The following PI4K2A variants were observed in gnomAD, a reference collection of about 807,000 sequenced individuals.
The protein encoded by PI4K2A is phosphatidylinositol 4-kinase type 2 alpha, also known as phosphatidylinositol 4-kinase type 2-alpha.
A neutral mutation model predicts 55.0 loss-of-function variants in PI4K2A; 20 were observed. That is an observed-to-expected ratio of 0.36 (90% confidence interval 0.26 to 0.53). The LOEUF is 0.53. Among genes scored for constraint, PI4K2A ranks in the 20% least tolerant of loss-of-function variants. The pLI, the probability that PI4K2A is intolerant of heterozygous loss-of-function variation, is 0.91. For missense variants in PI4K2A, 463 were observed against 637.1 expected (o/e 0.73, Z 2.94); for synonymous variants, 235 against 258.5 (o/e 0.91, Z 0.87).
intron 1 of PI4K2A, 71 bp downstream of exon 1, chr10:97,641,248 G>T: frequency 8.7e-7 from 1 of 1,155,480 alleles, no homozygotes; most frequent in Non-Finnish European, 1.2e-6. Flanking sequence ...TGGGGGCTTC[G>T]CACAGCCAGA....
Position 97,656,725 on chromosome 10 carries a change from A to T in PI4K2A, c.769-96A>T, listed in dbSNP as rs1279632780. ...GAAAAGTTTTCCTTCTCTGATACAA[A>T]CTCCATAGGGCCTTAATGGGTATCT... On this transcript the variant is annotated intron_variant, in intron 3 of 8. Coordinates refer to ENST00000370631, the Ensembl canonical transcript of PI4K2A. The surrounding 1 kb of genome is among the most constrained non-coding windows in gnomAD (Gnocchi z 4.5). 26 of 1,110,462 alleles carry T rather than the reference A, an allele frequency of 2.3e-5. No homozygotes were observed. Among genetic ancestry groups the T allele is most frequent in the Non-Finnish European group, 3.4e-5 (26 of 756,930 alleles). The allele number at this position is 1,110,462 out of a possible 1,614,324, so 68.8% of individuals were successfully genotyped here.
exon 2 of PI4K2A, chr10:97,651,102 G>A: frequency 6.2e-7 from 1 of 1,613,630 alleles, no homozygotes; most frequent in African/African-American, 1.3e-5. Context: ...CCAGCCTGGT[G>A]GACCAAAAAC....
chr10:97,666,349 C>G, intron 6 of PI4K2A, 89 bp from the exon 7 acceptor site: 2 of 1,218,816 alleles, frequency 1.6e-6, no homozygotes, highest in Non-Finnish European at 2.3e-6. Context: ...GAGGGGTTCT[C>G]CTTTAGAAAG....
At chr10:97,643,067 TGCA>T (rs2041486828) in intron 1 of PI4K2A, among the ~76,000 whole-genome samples, 1 of 151,572 alleles carries the variant, frequency 6.6e-6, no homozygotes, top group African/African-American at 2.4e-5. Context: ...CACTGCTCAC[TGCA>T]GCCTTGACAT....
exon 2 of PI4K2A, chr10:97,651,069 G>C: frequency 6.2e-7 from 1 of 1,614,108 alleles, no homozygotes; most frequent in Non-Finnish European, 8.5e-7. Flanking sequence ...TCCTTAACCA[G>C]GGCTATCTCT....
chr10:97,671,646 G>A (rs531216620), intron 8 of PI4K2A, among the ~76,000 whole-genome samples: 1 of 152,136 alleles, frequency 6.6e-6, no homozygotes, highest in South Asian at 2.1e-4. Context: ...TTGTTTGTTT[G>A]TTTGTTTTTT....
chr10:97,645,819 G>A (rs2041502472), intron 1 of PI4K2A, among the ~76,000 whole-genome samples: 1 of 151,698 alleles, frequency 6.6e-6, no homozygotes, highest in Non-Finnish European at 1.5e-5. Context: ...CCCAGTGTTG[G>A]GATTACAGGT....
At chr10:97,654,685 T>C (rs553889492) in intron 2 of PI4K2A, among the ~76,000 whole-genome samples, 16 of 152,336 alleles carry the variant, frequency 1.1e-4, no homozygotes, top group Non-Finnish European at 1.8e-4. Flanking sequence ...TAAGATGTTC[T>C]CCGCTTCCTC....
intron 1 of PI4K2A, 102 bp downstream of exon 1, chr10:97,641,279 C>G (rs947580192): frequency 7.4e-6 from 6 of 812,830 alleles, no homozygotes; most frequent in Admixed American, 2.9e-5. Context: ...AGAAACTTCA[C>G]AGTACCAGCC....
At chr10:97,664,699 C>G (rs1337529737) in intron 5 of PI4K2A, among the ~76,000 whole-genome samples, 186 bp from the exon 6 acceptor site, 1 of 152,148 alleles carries the variant, frequency 6.6e-6, no homozygotes, top group Non-Finnish European at 1.5e-5. Context: ...GAACAAGAGC[C>G]AGGTCAGAGG....
intron 6 of PI4K2A, 115 bp from the exon 7 acceptor site, chr10:97,666,323 G>A: frequency 2.2e-6 from 2 of 895,770 alleles, no homozygotes; most frequent in Admixed American, 2.5e-5. Context: ...TTTTGTTTCT[G>A]TTGTATGTCA....
intron 8 of PI4K2A, among the ~76,000 whole-genome samples, chr10:97,671,364 G>A (rs973000317): frequency 1.4e-4 from 22 of 152,172 alleles, no homozygotes; most frequent in African/African-American, 5.3e-4. Context: ...AATTGGGAGG[G>A]TCATTTGAGG....
chr10:97,657,261 C>T (rs1425823926), intron 4 of PI4K2A, among the ~76,000 whole-genome samples: 1 of 152,144 alleles, frequency 6.6e-6, no homozygotes, highest in African/African-American at 2.4e-5. Context: ...GTTTTGTCTT[C>T]CTCTGACTTC....
At chr10:97,676,280 T>C (rs755234882) in exon 9 of PI4K2A, 9 of 152,244 alleles carry the variant, frequency 5.9e-5, no homozygotes, top group Non-Finnish European at 1.0e-4. Context: ...CTTACACTGA[T>C]AGGAAGCTAT....
intron 2 of PI4K2A, among the ~76,000 whole-genome samples, chr10:97,655,652 G>T (rs1376935299): frequency 6.6e-6 from 1 of 151,958 alleles, no homozygotes; most frequent in Non-Finnish European, 1.5e-5. Flanking sequence ...TTGGCTCACT[G>T]CAACCTCTGC....
At chr10:97,673,826 C>A in exon 9 of PI4K2A, 1 of 1,302,176 alleles carries the variant, frequency 7.7e-7, no homozygotes, top group Non-Finnish European at 1.1e-6. Flanking sequence ...CCAGAGAAGC[C>A]GGTGGAGAGC....
intron 1 of PI4K2A, among the ~76,000 whole-genome samples, chr10:97,641,418 CG>C (rs1349293306): frequency 5.3e-5 from 8 of 152,030 alleles, no homozygotes; most frequent in Non-Finnish European, 1.2e-4. Flanking sequence ...TGACCAGATA[CG>C]GGCCGGGGGC....
chr10:97,665,750 G>T (rs888448768), intron 6 of PI4K2A, among the ~76,000 whole-genome samples: 2 of 151,820 alleles, frequency 1.3e-5, no homozygotes, highest in African/African-American at 4.8e-5. Flanking sequence ...CCGCCACCAT[G>T]CCCAGCTAAT....
At chr10:97,641,013 G>A (rs771113036) in exon 1 of PI4K2A, 2 of 1,565,476 alleles carry the variant, frequency 1.3e-6, no homozygotes, top group Admixed American at 3.7e-5. Context: ...GGCCGCGGCG[G>A]CAGCCCACGC....
Sources: gnomAD v4.1 joint callset for allele counts (sites outside exome capture counted in the v4.1 genomes callset) on GRCh38, gnomAD v4.1.1 for gene constraint, Gnocchi (gnomAD v3.1) non-coding constraint, MANE v1.5 for transcripts, NCBI Gene and HGNC (gene_info 2026-07-23, HGNC 2026-07-21) for gene names.